Variants in PRDM5 observed in about 807,000 individuals in gnomAD.
PRDM5 encodes PR domain zinc finger protein 5.
In PRDM5, 56 loss-of-function variants were observed where a neutral mutation model predicts 81.2. The observed-to-expected ratio is 0.69, with a 90% CI of 0.56 to 0.86. The LOEUF (loss-of-function observed/expected upper bound fraction) is 0.86. PRDM5 is among the 40% of genes least tolerant of loss of function. The probability of loss-of-function intolerance (pLI) is 0.00; values close to 1 mark genes in which losing one functional copy is unlikely to be tolerated. For missense variants in PRDM5, 697 were observed against 770.1 expected, an observed-to-expected ratio of 0.91 and a Z score of 1.12; for synonymous variants, 267 against 256.4, an observed-to-expected ratio of 1.04 and a Z score of -0.39.
At chr4:120,877,398 G>T (rs532972741) in intron 2 of PRDM5, among the ~76,000 whole-genome samples, 2 of 152,332 alleles carry the variant, frequency 1.3e-5, no homozygotes, top group Admixed American at 1.3e-4. Context: ...TTGGCCAGCT[G>T]CTGTGATAAC....
intron 10 of PRDM5, among the ~76,000 whole-genome samples, chr4:120,790,247 T>A (rs1368100672): frequency 6.6e-6 from 1 of 152,204 alleles, no homozygotes; most frequent in Non-Finnish European, 1.5e-5. Context: ...TACAGCTAAC[T>A]TAGAGCGTGC....
At chr4:120,907,353 C>T (rs1432742801) in intron 2 of PRDM5, 121 bp downstream of exon 2, 2 of 858,782 alleles carry the variant, frequency 2.3e-6, no homozygotes, top group South Asian at 3.3e-5. Flanking sequence ...AAAAAAAAAC[C>T]TAAAACATTT....
intron 13 of PRDM5, among the ~76,000 whole-genome samples, chr4:120,763,383 A>G (rs1284097326): frequency 6.6e-6 from 1 of 152,222 alleles, no homozygotes; most frequent in East Asian, 1.9e-4. Context: ...CTCTTGCTTC[A>G]GCCAACCAGG....
chr4:120,797,079 G>A (rs1159965755), intron 10 of PRDM5, among the ~76,000 whole-genome samples: 3 of 152,028 alleles, frequency 2.0e-5, no homozygotes, highest in African/African-American at 7.2e-5. Flanking sequence ...TTGAGCAAAG[G>A]TAAAGTATAA....
intron 2 of PRDM5, among the ~76,000 whole-genome samples, chr4:120,880,064 G>A (rs1762694628): frequency 1.3e-5 from 2 of 152,084 alleles, no homozygotes; most frequent in Admixed American, 1.3e-4. Context: ...TGTAACAAGT[G>A]TACTGCACTA....
chr4:120,785,030 A>G lies in PRDM5; in HGVS notation c.1250T>C (p.Phe417Ser). Residue 417 changes from phenylalanine (F) to serine (S), a missense_variant, in exon 11 of 16, where the codon TTT (phenylalanine) becomes TCT (serine). Coordinates refer to ENST00000264808, the MANE Select transcript of PRDM5 (RefSeq NM_018699.4). ...TATTAGCAGGTGTCTCTGTAAAGAAAATGGGGTCCGGAACAAAGCTTTACA... is the reference window on the plus strand; with the variant it reads ...TATTAGCAGGTGTCTCTGTAAAGAAGATGGGGTCCGGAACAAAGCTTTACA... ...EECKALFRTP[F>S]SLQRHLLIHN... The G allele has an allele frequency of 6.2e-7, 1 of 1,610,918 alleles. No homozygotes were observed. Among genetic ancestry groups the G allele is most frequent in the Non-Finnish European group, 8.5e-7 (1 of 1,177,376 alleles).
intron 10 of PRDM5, among the ~76,000 whole-genome samples, chr4:120,794,514 AACACACACAC>A (rs70948364): frequency 0.066 from 9,523 of 143,600 alleles, 431 homozygotes; most frequent in East Asian, 0.16. Flanking sequence ...TCCAAAATCT[AACACACACAC>A]ACACACACAC....
chr4:120,819,838 T>G (rs1755027222), intron 4 of PRDM5, among the ~76,000 whole-genome samples: 1 of 152,150 alleles, frequency 6.6e-6, no homozygotes, highest in Non-Finnish European at 1.5e-5. Context: ...ATAATGCATA[T>G]AAGCCTGTCC....
At chr4:120,795,258 C>G (rs75231143) in intron 10 of PRDM5, among the ~76,000 whole-genome samples, 30,273 of 152,106 alleles carry the variant, frequency 0.2, 3,668 homozygotes, top group Non-Finnish European at 0.28. Context: ...AGATGGTTCA[C>G]TACATCTAAA....
At chr4:120,778,244 T>C (rs1398646952) in intron 12 of PRDM5, among the ~76,000 whole-genome samples, 2 of 152,132 alleles carry the variant, frequency 1.3e-5, no homozygotes, top group African/African-American at 4.8e-5. Context: ...TAGGTTATAA[T>C]CACAAAACAG....
At chr4:120,879,987 C>G (rs765164458) in intron 2 of PRDM5, among the ~76,000 whole-genome samples, 4 of 151,964 alleles carry the variant, frequency 2.6e-5, no homozygotes, top group African/African-American at 9.7e-5. Flanking sequence ...GAATGAACAA[C>G]GCAAAGAGTG....
At chr4:120,825,350 A>G (rs1324166798) in intron 3 of PRDM5, among the ~76,000 whole-genome samples, 2 of 152,200 alleles carry the variant, frequency 1.3e-5, no homozygotes, top group African/African-American at 4.8e-5. Context: ...TTTTGTGTCC[A>G]AAGTCTGTTT....
At chr4:120,913,979 G>A (rs1766797505) in intron 1 of PRDM5, among the ~76,000 whole-genome samples, 1 of 152,154 alleles carries the variant, frequency 6.6e-6, no homozygotes, top group South Asian at 2.1e-4. Flanking sequence ...CTGCAGGACT[G>A]ACGCCACAGA....
intron 2 of PRDM5, among the ~76,000 whole-genome samples, chr4:120,904,655 C>T (rs1765599020): frequency 6.6e-6 from 1 of 152,014 alleles, no homozygotes; most frequent in African/African-American, 2.4e-5. Context: ...TAAAGAACTA[C>T]AGGAATAGAT....
chr4:120,899,168 T>A (rs948872427), intron 2 of PRDM5, among the ~76,000 whole-genome samples: 4 of 152,184 alleles, frequency 2.6e-5, no homozygotes, highest in African/African-American at 9.7e-5. Context: ...TTGGGTCTGA[T>A]ACTTACTTTG....
rs1469443020 is a variant in PRDM5, at chr4:120,695,220, T to A, written c.1784A>T (p.His595Leu). ...KKMLIRHKMT[H>L]NPNRPLAECQ... ...TTCTGCCAGGGGACGATTGGGATTATGAGTCATCTTGTGTCGAATCAGCAT... is the reference window on the plus strand; with the variant it reads ...TTCTGCCAGGGGACGATTGGGATTAAGAGTCATCTTGTGTCGAATCAGCAT... Residue 595 changes from histidine to leucine, a missense_variant, in exon 16 of 16, where the codon CAT (histidine) becomes CTT (leucine). This residue lies in a region of PRDM5 where 86 missense variants were observed against 135.2 expected (regional missense o/e 0.64). Coordinates refer to ENST00000264808, the MANE Select transcript of PRDM5 (RefSeq NM_018699.4). The A allele has an allele frequency of 6.2e-7, 1 of 1,613,532 alleles. No individual in the cohort carries two copies. The highest frequency in any genetic ancestry group is 8.5e-7 in the Non-Finnish European group (1 of 1,179,700).
chr4:120,863,175 A>AAAAAAAT (rs1553997140), intron 2 of PRDM5, among the ~76,000 whole-genome samples: 1 of 60,666 alleles, frequency 1.6e-5, no homozygotes, highest in African/African-American at 6.3e-5. Flanking sequence ...AAAAAAAAAA[A>AAAAAAAT]ATATATATAT....
At chr4:120,783,147 T>C (rs973889596) in intron 11 of PRDM5, among the ~76,000 whole-genome samples, 1 of 152,138 alleles carries the variant, frequency 6.6e-6, no homozygotes, top group Non-Finnish European at 1.5e-5. Context: ...ATTTTAAAGT[T>C]AAATAAATGG....
intron 14 of PRDM5, among the ~76,000 whole-genome samples, chr4:120,722,463 A>G (rs771760092): frequency 3.8e-4 from 58 of 152,014 alleles, no homozygotes; most frequent in Non-Finnish European, 6.9e-4. Flanking sequence ...ACCCTGGAGG[A>G]GGACCCTTCC....
Sources: allele counts gnomAD v4.1 joint callset (sites outside exome capture counted in the v4.1 genomes callset), GRCh38; gene constraint gnomAD v4.1.1; regional missense constraint gnomAD v4.1.1; transcripts MANE v1.5; gene names NCBI Gene and HGNC (gene_info 2026-07-23, HGNC 2026-07-21).